The following LRRC42 variants were observed in gnomAD, a reference collection of about 807,000 sequenced individuals.
LRRC42 encodes leucine-rich repeat-containing protein 42.
Under a neutral mutation model 44.3 loss-of-function variants are expected in LRRC42, and 43 were observed. The observed-to-expected ratio is 0.97, with a 90% CI of 0.76 to 1.25. LRRC42 has a LOEUF of 1.25. Ranked by LOEUF, LRRC42 falls within the 50% of genes most tolerant of loss-of-function variation. The pLI is 0.00. For synonymous variants in LRRC42, 207 were observed against 195.2 expected (o/e 1.06, Z -0.50); for missense variants, 540 against 509.1 (o/e 1.06, Z -0.58).
chr1:53,947,549 T>C (rs1450947660), intron 1 of LRRC42, among the ~76,000 whole-genome samples: 2 of 152,182 alleles, frequency 1.3e-5, no homozygotes, highest in East Asian at 3.8e-4. Context: ...TTAGAAATTT[T>C]CCCAAGAATA....
At chr1:53,949,677 CA>C in intron 2 of LRRC42, among the ~76,000 whole-genome samples, 1 of 152,298 alleles carries the variant, frequency 6.6e-6, no homozygotes. Flanking sequence ...TAAATGCTGG[CA>C]AGAGAAAAGT....
chr1:53,967,996 A>T lies in LRRC42; in HGVS notation c.*57A>T. 5 of 1,537,906 alleles carry T rather than the reference A, an allele frequency of 3.3e-6. No individual in the cohort carries two copies. In the South Asian group the frequency reaches 6.2e-5, roughly 19 times the overall value. On this transcript the variant is annotated 3_prime_UTR_variant, in exon 9 of 9. Coordinates refer to ENST00000371370, the MANE Select transcript of LRRC42 (RefSeq NM_001256409.2). ...CCCAGCTCTAGTGTTTGAGTAAAGG[A>T]GACTGAGGATGATTTACTTTTTGTT...
chr1:53,962,241 C>T (rs142706666), intron 6 of LRRC42, 55 bp from the exon 7 acceptor site: 6 of 1,487,420 alleles, frequency 4.0e-6, no homozygotes, highest in Admixed American at 3.4e-5. Flanking sequence ...CTACTGAAAA[C>T]AAGTAAGAAT....
At chr1:53,959,697 C>CAT (rs1654942493) in intron 4 of LRRC42, among the ~76,000 whole-genome samples, 1 of 152,186 alleles carries the variant, frequency 6.6e-6, no homozygotes, top group East Asian at 1.9e-4. Flanking sequence ...AAATAATTCT[C>CAT]ATAGGAGTTC....
Position 53,962,109 on chromosome 1 carries a change from G to T in LRRC42, c.800G>T (p.Gly267Val), listed in dbSNP as rs201381109. ...AAACTAAACTGCTTAGATATCTCTG[G>T]GACAGGGCTCAAGGTAAGACTTTTG... ...FRKLNCLDIS[G>V]TGLKDIKTVK... Residue 267 changes from glycine (G) to valine (V), a missense_variant, in exon 6 of 9, where the codon GGG (glycine) becomes GTG (valine). Gly to Val is a moderately radical substitution (Grantham distance 109). Coordinates refer to ENST00000371370, the MANE Select transcript of LRRC42 (RefSeq NM_001256409.2). 1 of 1,613,230 alleles carries T rather than the reference G, an allele frequency of 6.2e-7. No individual in the cohort carries two copies. The highest frequency in any genetic ancestry group is 1.7e-5 in the Admixed American group (1 of 59,976).
chr1:53,947,230 G>A (rs528198923), intron 1 of LRRC42, among the ~76,000 whole-genome samples: 11 of 152,098 alleles, frequency 7.2e-5, no homozygotes, highest in African/African-American at 2.7e-4. Flanking sequence ...GGCTGGAAGG[G>A]TCTGAAGGTT....
intron 3 of LRRC42, among the ~76,000 whole-genome samples, chr1:53,956,475 G>T (rs1654845545): frequency 6.6e-6 from 1 of 152,136 alleles, no homozygotes; most frequent in African/African-American, 2.4e-5. Context: ...GAATTTTGTA[G>T]CCCCATTTTG....
At chr1:53,951,197 A>G (rs1024128117) in intron 2 of LRRC42, among the ~76,000 whole-genome samples, 5 of 152,220 alleles carry the variant, frequency 3.3e-5, no homozygotes, top group Non-Finnish European at 5.9e-5. Flanking sequence ...TTCTGTGTCT[A>G]AACATGTTTT....
intron 2 of LRRC42, among the ~76,000 whole-genome samples, chr1:53,948,461 C>T (rs912799380): frequency 3.3e-5 from 5 of 152,158 alleles, no homozygotes; most frequent in African/African-American, 1.2e-4. Context: ...TGAAATGGTA[C>T]ACTTCGTGGT....
At chr1:53,965,387 ATTAAAT>A (rs61222972) in intron 7 of LRRC42, among the ~76,000 whole-genome samples, 2,170 of 151,918 alleles carry the variant, frequency 0.014, 59 homozygotes, top group African/African-American at 0.05. Context: ...ATAAACAAAT[ATTAAAT>A]TTAAAGTTCT....
At chr1:53,959,226 TTAAC>T (rs1397315543) in intron 4 of LRRC42, among the ~76,000 whole-genome samples, 1 of 152,206 alleles carries the variant, frequency 6.6e-6, no homozygotes, top group Admixed American at 6.5e-5. Flanking sequence ...GTTTGCTACT[TTAAC>T]TATCAATGAG....
chr1:53,962,135 G>A lies in LRRC42; in HGVS notation c.813+13G>A. ...GACAGGGCTCAAGGTAAGACTTTTG[G>A]TTCCTTCTCTCATTTTTCTAGACTC... On this transcript the variant is annotated intron_variant, in intron 6 of 8. Coordinates refer to ENST00000371370, the MANE Select transcript of LRRC42 (RefSeq NM_001256409.2). The A allele has an allele frequency of 6.2e-7, 1 of 1,601,540 alleles. No individual in the cohort carries two copies. The highest frequency in any genetic ancestry group is 8.5e-7 in the Non-Finnish European group (1 of 1,170,350).
intron 8 of LRRC42, 67 bp from the exon 9 acceptor site, chr1:53,967,598 C>T: frequency 6.8e-7 from 1 of 1,475,504 alleles, no homozygotes; most frequent in Non-Finnish European, 9.4e-7. Flanking sequence ...CTGGGTTTAT[C>T]CTAGACTGAT....
At chr1:53,949,481 G>A (rs1050356231) in intron 2 of LRRC42, among the ~76,000 whole-genome samples, 4 of 152,160 alleles carry the variant, frequency 2.6e-5, no homozygotes, top group South Asian at 2.1e-4. Flanking sequence ...CATACCTAGC[G>A]TCTGCTTTCT....
chr1:53,947,215 G>A (rs1279088374), intron 1 of LRRC42, among the ~76,000 whole-genome samples: 1 of 151,930 alleles, frequency 6.6e-6, no homozygotes, highest in Non-Finnish European at 1.5e-5. Flanking sequence ...CCAGGGGCTC[G>A]GAAGGGCTGG....
At chr1:53,947,611 G>GT (rs1654547084) in intron 1 of LRRC42, among the ~76,000 whole-genome samples, 177 bp from the exon 2 acceptor site, 2 of 152,136 alleles carry the variant, frequency 1.3e-5, no homozygotes, top group Admixed American at 1.3e-4. Flanking sequence ...TGAAGGCCAT[G>GT]GGTTGGCAGA....
Position 53,967,811 on chromosome 1 carries a change from GA to G in LRRC42, c.1160del (p.Glu387GlyfsTer39). The G allele has an allele frequency of 1.2e-6, 2 of 1,614,188 alleles. No individual in the cohort carries two copies. The highest frequency in any genetic ancestry group is 1.7e-6 in the Non-Finnish European group (2 of 1,180,034). Reference protein sequence around the residue: ...VLKHEAISSQESKKSKKRPFE... With the variant: ...VLKHEAISSQXSKKSKKRPFE... ...GAAACACGAAGCTATCTCAAGCCAG[GA>G]GTCAAAGAAGAGCAAGAAGAGACCT... On this transcript the variant is annotated frameshift_variant, in exon 9 of 9. Transcript: ENST00000371370. LOFTEE classifies it high-confidence loss of function.
rs1432525022 is a variant in LRRC42, at chr1:53,962,069, C to G, written c.760C>G (p.Leu254Val). The change falls in exon 6 of 9, where the codon CTC becomes GTC. Residue 254 changes from leucine (L) to valine (V), a missense_variant. By Grantham distance (32) the Leu-to-Val change is conservative. Transcript: ENST00000371370. ...PEITDAGIGY[L>V]FSFRKLNCLD... ...GATCACAGATGCAGGCATTGGATAC[C>G]TCTTTTCTTTTAGGAAACTAAACTG... The G allele has an allele frequency of 6.2e-7, 1 of 1,613,842 alleles. No individual in the cohort carries two copies. Among genetic ancestry groups the G allele is most frequent in the African/African-American group, 1.3e-5 (1 of 74,914 alleles).
Position 53,968,090 on chromosome 1 carries a change from A to G in LRRC42, c.*151A>G, listed in dbSNP as rs1655180851. ...TTTTGTGGTGTGGGAGGGGAATGCT[A>G]TGGAAGTATGTAATAATTTCTAATG... On this transcript the variant is annotated 3_prime_UTR_variant, in exon 9 of 9. Coordinates refer to ENST00000371370, the MANE Select transcript of LRRC42 (RefSeq NM_001256409.2). 6 of 720,014 alleles carry G rather than the reference A, an allele frequency of 8.3e-6. No homozygotes were observed. Among genetic ancestry groups the G allele is most frequent in the Middle Eastern group, 2.4e-4 (1 of 4,092 alleles). 44.6% of individuals were successfully genotyped at this position (720,014 alleles called of 1,614,324 possible).
Sources: gnomAD v4.1 joint callset for allele counts (sites outside exome capture counted in the v4.1 genomes callset) on GRCh38, gnomAD v4.1.1 for gene constraint, MANE v1.5 for transcripts, NCBI Gene and HGNC (gene_info 2026-07-23, HGNC 2026-07-21) for gene names.